Variants in MARCHF8 observed in about 807,000 individuals in gnomAD.
The protein encoded by MARCHF8 is E3 ubiquitin-protein ligase MARCHF8.
Under a neutral mutation model 51.6 loss-of-function variants are expected in MARCHF8, and 40 were observed. That is an observed-to-expected ratio of 0.77 (90% CI 0.60 to 1.01). The LOEUF (loss-of-function observed/expected upper bound fraction) is 1.01. MARCHF8 is among the 50% of genes least tolerant of loss of function. The probability of loss-of-function intolerance (pLI) is 0.00; values close to 1 mark genes in which losing one functional copy is unlikely to be tolerated. For missense variants in MARCHF8, 685 were observed against 708.6 expected, an observed-to-expected ratio of 0.97 and a Z score of 0.38; for synonymous variants, 263 against 280.3, an observed-to-expected ratio of 0.94 and a Z score of 0.62.
At chr10:45,534,196 C>A (rs1172781959) in intron 1 of MARCHF8, among the ~76,000 whole-genome samples, 1 of 146,838 alleles carries the variant, frequency 6.8e-6, no homozygotes, top group Non-Finnish European at 1.5e-5. Context: ...AACCTCCCCC[C>A]CACCAAAAAA....
chr10:45,462,160 G>A (rs1342386647), intron 5 of MARCHF8: 1 of 152,246 alleles, frequency 6.6e-6, no homozygotes, highest in African/African-American at 2.4e-5. Context: ...AAGGAGCCAG[G>A]CTCTCAGGCT....
intron 1 of MARCHF8, among the ~76,000 whole-genome samples, chr10:45,575,530 C>T (rs2044479623): frequency 6.6e-6 from 1 of 152,162 alleles, no homozygotes; most frequent in African/African-American, 2.4e-5. Context: ...CCTCTTACCA[C>T]AAAATCTTCC....
intron 1 of MARCHF8, among the ~76,000 whole-genome samples, chr10:45,558,193 T>C (rs1403293630): frequency 6.6e-6 from 1 of 152,218 alleles, no homozygotes; most frequent in Admixed American, 6.5e-5. Context: ...AGAGATTTTG[T>C]ACATGACTGA....
chr10:45,524,741 A>G (rs993173353), intron 2 of MARCHF8, among the ~76,000 whole-genome samples: 4 of 152,230 alleles, frequency 2.6e-5, no homozygotes, highest in African/African-American at 9.6e-5. Context: ...AGCAAAAAGT[A>G]AAAGTGTCAG....
At chr10:45,591,112 G>C (rs2044675851) in intron 1 of MARCHF8, among the ~76,000 whole-genome samples, 1 of 152,098 alleles carries the variant, frequency 6.6e-6, no homozygotes, top group South Asian at 2.1e-4. Context: ...CCACCTTATA[G>C]GTGTTGAGAA....
chr10:45,524,173 T>A (rs1031048371), intron 2 of MARCHF8, among the ~76,000 whole-genome samples: 1 of 152,212 alleles, frequency 6.6e-6, no homozygotes, highest in African/African-American at 2.4e-5. Context: ...CAGCATACTC[T>A]TTTTTAATCT....
At chr10:45,460,444 G>C (rs931582005) in intron 6 of MARCHF8, among the ~76,000 whole-genome samples, 1 of 152,168 alleles carries the variant, frequency 6.6e-6, no homozygotes, top group Non-Finnish European at 1.5e-5. Flanking sequence ...TTCCTTTTCT[G>C]AATGACTGTT....
chr10:45,543,473 G>A (rs12774453), intron 1 of MARCHF8, among the ~76,000 whole-genome samples: 9,389 of 152,204 alleles, frequency 0.062, 331 homozygotes, highest in Non-Finnish European at 0.067. Flanking sequence ...CCGACTGGGG[G>A]AAAAATACTT....
chr10:45,566,811 T>C (rs1030874118), intron 1 of MARCHF8, among the ~76,000 whole-genome samples: 6 of 152,046 alleles, frequency 3.9e-5, no homozygotes, highest in Non-Finnish European at 7.4e-5. Flanking sequence ...AGCAGTGGGA[T>C]TGCCAGATCA....
intron 1 of MARCHF8, among the ~76,000 whole-genome samples, chr10:45,563,226 T>G (rs965193188): frequency 2.6e-5 from 4 of 152,078 alleles, no homozygotes; most frequent in Non-Finnish European, 4.4e-5. Context: ...ACTGTCTCAC[T>G]TTGTTGTCCA....
chr10:45,462,986 T>C (rs574285656), intron 5 of MARCHF8, among the ~76,000 whole-genome samples, 165 bp downstream of exon 5: 2 of 152,276 alleles, frequency 1.3e-5, no homozygotes, highest in African/African-American at 4.8e-5. Context: ...AAAAATTAAG[T>C]TTTTCAAACG....
intron 1 of MARCHF8, among the ~76,000 whole-genome samples, chr10:45,583,455 C>T (rs760822505): frequency 2.6e-5 from 4 of 152,148 alleles, no homozygotes; most frequent in Non-Finnish European, 5.9e-5. Flanking sequence ...CAAATCAGAG[C>T]ACACTAAATA....
chr10:45,584,126 C>CATATGT (rs2044588637), intron 1 of MARCHF8, among the ~76,000 whole-genome samples: 2 of 85,366 alleles, frequency 2.3e-5, no homozygotes, highest in Non-Finnish European at 4.5e-5. Context: ...TATATACAAT[C>CATATGT]ATATATATAT....
At chr10:45,459,348 A>G (rs1842715451) in intron 6 of MARCHF8, 81 bp from the exon 7 acceptor site, 1 of 1,466,376 alleles carries the variant, frequency 6.8e-7, no homozygotes, top group Admixed American at 2.2e-5. Flanking sequence ...GGTAGGTAAG[A>G]TTGGCTTTCC....
At chr10:45,580,100 G>A (rs1200344798) in intron 1 of MARCHF8, among the ~76,000 whole-genome samples, 1 of 148,588 alleles carries the variant, frequency 6.7e-6, no homozygotes, top group Admixed American at 6.7e-5. Context: ...AATTTATGCT[G>A]AAGATATTCA....
intron 3 of MARCHF8, among the ~76,000 whole-genome samples, chr10:45,472,628 T>C (rs1364174793): frequency 6.6e-6 from 1 of 152,228 alleles, no homozygotes; most frequent in Non-Finnish European, 1.5e-5. Flanking sequence ...TGTATACTTG[T>C]GGAAGAATGA....
At chr10:45,568,715 CAAAAAAAAAA>C (rs71023130) in intron 1 of MARCHF8, among the ~76,000 whole-genome samples, 2 of 75,586 alleles carry the variant, frequency 2.6e-5, no homozygotes, top group African/African-American at 5.3e-5. Flanking sequence ...GAGACTGTTT[CAAAAAAAAAA>C]AAAAAAAAAA....
intron 1 of MARCHF8, among the ~76,000 whole-genome samples, chr10:45,564,105 G>T (rs2044339258): frequency 6.6e-6 from 1 of 152,096 alleles, no homozygotes; most frequent in South Asian, 2.1e-4. Flanking sequence ...GTGAAACACT[G>T]TCTCTACTAA....
At chr10:45,554,405 G>C (rs1370911071) in intron 1 of MARCHF8, among the ~76,000 whole-genome samples, 2 of 152,200 alleles carry the variant, frequency 1.3e-5, no homozygotes, top group Non-Finnish European at 1.5e-5. Flanking sequence ...AGGCCTAGAA[G>C]TAACAACCAA....
Sources: gnomAD v4.1 joint callset for allele counts (sites outside exome capture counted in the v4.1 genomes callset) on GRCh38, gnomAD v4.1.1 for gene constraint, MANE v1.5 for transcripts, NCBI Gene and HGNC (gene_info 2026-07-23, HGNC 2026-07-21) for gene names.